Variants in ZIM2 observed in about 807,000 individuals in gnomAD.
ZIM2 encodes the protein zinc finger imprinted 2.
ZIM2 carries 14 observed loss-of-function variants against 38.6 expected under a neutral mutation model. That is an observed-to-expected ratio of 0.36 (90% CI 0.24 to 0.57). ZIM2 has a LOEUF of 0.57. Ranked by LOEUF, ZIM2 falls within the 20% of genes least tolerant of loss-of-function variation. ZIM2 has a pLI of 0.81. For missense variants in ZIM2, 680 were observed against 695.1 expected (o/e 0.98, Z 0.24); for synonymous variants, 247 against 245.8 (o/e 1.00, Z -0.04).
At chr19:56,806,288 T>C (rs1380022656) in intron 9 of ZIM2, among the ~76,000 whole-genome samples, 1 of 152,222 alleles carries the variant, frequency 6.6e-6, no homozygotes, top group South Asian at 2.1e-4. Context: ...AAAGCCTGGA[T>C]AGGTAGTCAA....
intron 9 of ZIM2, among the ~76,000 whole-genome samples, chr19:56,793,621 A>C (rs946580849): frequency 2.6e-5 from 4 of 152,256 alleles, no homozygotes; most frequent in Non-Finnish European, 5.9e-5. Flanking sequence ...GCTAAACTTC[A>C]TTAGTTATCA....
At chr19:56,820,803 CCT>C (rs767159361) in intron 7 of ZIM2, among the ~76,000 whole-genome samples, 1 of 152,218 alleles carries the variant, frequency 6.6e-6, no homozygotes, top group Non-Finnish European at 1.5e-5. Context: ...GGGCAGGGCC[CCT>C]CTCTGTGTTG....
At chr19:56,795,169 C>T (rs1354426176) in intron 9 of ZIM2, among the ~76,000 whole-genome samples, 1 of 152,174 alleles carries the variant, frequency 6.6e-6, no homozygotes, top group Non-Finnish European at 1.5e-5. Flanking sequence ...ATTCTCAAGC[C>T]TCAGCCTCCG....
At chr19:56,798,338 T>C (rs1180247364) in intron 9 of ZIM2, 2 of 152,114 alleles carry the variant, frequency 1.3e-5, no homozygotes, top group African/African-American at 4.8e-5. Flanking sequence ...TGTGTGTGCA[T>C]GTGACAAAAA....
At chr19:56,828,174 C>T (rs1009874426) in intron 2 of ZIM2, among the ~76,000 whole-genome samples, 1 of 152,144 alleles carries the variant, frequency 6.6e-6, no homozygotes, top group African/African-American at 2.4e-5. Flanking sequence ...AGGCTCTCCC[C>T]GCATCGCCTC....
chr19:56,800,318 C>A (rs2047454047), intron 9 of ZIM2, among the ~76,000 whole-genome samples: 1 of 152,006 alleles, frequency 6.6e-6, no homozygotes, highest in African/African-American at 2.4e-5. Flanking sequence ...AATAAATACT[C>A]ATTAGATGTT....
chr19:56,814,765 C>T lies in ZIM2; in HGVS notation c.490+2981G>A, dbSNP rs752710501. The T allele has an allele frequency of 4.3e-6, 7 of 1,614,106 alleles. No homozygotes were observed. Among genetic ancestry groups the T allele is most frequent in the South Asian group, 1.1e-5 (1 of 91,080 alleles). ...GAAGCCTTGTCCACACAAAAGGCATCGAATGGCCGACCCAGCAAGAGCAGG... is the reference window on the plus strand; with the variant it reads ...GAAGCCTTGTCCACACAAAAGGCATTGAATGGCCGACCCAGCAAGAGCAGG... On this transcript the variant is annotated intron_variant, in intron 9 of 12. Transcript: ENST00000629319. The surrounding 1 kb of genome is among the most constrained non-coding windows in gnomAD (Gnocchi z 5.8).
intron 9 of ZIM2, chr19:56,811,408 T>C (rs1383630163): frequency 2.0e-5 from 18 of 885,050 alleles, no homozygotes; most frequent in Non-Finnish European, 2.4e-5. Context: ...TTTCTCCACT[T>C]AATGTTCTGT....
chr19:56,822,907 A>C, intron 5 of ZIM2, 71 bp from the exon 6 acceptor site: 1 of 1,552,606 alleles, frequency 6.4e-7, no homozygotes, highest in Non-Finnish European at 8.7e-7. Context: ...ATGTGCACAA[A>C]CACCCCTCTG....
At chr19:56,792,924 A>G (rs538357443) in intron 9 of ZIM2, 3 of 152,754 alleles carry the variant, frequency 2.0e-5, no homozygotes, top group African/African-American at 4.8e-5. Flanking sequence ...CAAAATTTCT[A>G]TTTAGCTCCT....
chr19:56,839,504 G>C (rs2062706096), intron 1 of ZIM2, among the ~76,000 whole-genome samples: 2 of 149,768 alleles, frequency 1.3e-5, no homozygotes, highest in Admixed American at 1.3e-4. Context: ...AACCAACCAG[G>C]GGAGCACCTG....
intron 2 of ZIM2, among the ~76,000 whole-genome samples, chr19:56,835,562 T>G (rs1043461514): frequency 2.6e-5 from 4 of 152,242 alleles, no homozygotes; most frequent in Non-Finnish European, 5.9e-5. Context: ...CAGCTGTTGC[T>G]AGCAGATGTT....
intron 9 of ZIM2, chr19:56,810,831 A>T (rs955883353): frequency 8.2e-5 from 80 of 970,046 alleles, no homozygotes; most frequent in Non-Finnish European, 9.4e-5. Context: ...GTAATTTTTT[A>T]AAATAATTTA....
At position 56,824,709 on chromosome 19, in the gene ZIM2, C is replaced by T. The variant is rs143644993; in HGVS notation, c.-150-282G>A. 1,885 of 1,515,756 alleles carry T rather than the reference C, an allele frequency of 1.2e-3. 21 individuals carry two copies. The African/African-American group carries it at 0.023, about 19-fold the overall frequency. The allele number at this position is 1,515,756 out of a possible 1,614,324, so 93.9% of individuals were successfully genotyped here. ...ACCAAACATGAGTCAACAGGAAAGACGCGGCAGCCTGTGACCGTCAGTACT... is the reference window on the plus strand; with the variant it reads ...ACCAAACATGAGTCAACAGGAAAGATGCGGCAGCCTGTGACCGTCAGTACT... On this transcript the variant is annotated intron_variant, in intron 3 of 12. Transcript: ENST00000629319.
At chr19:56,839,270 T>C (rs1196178959) in intron 1 of ZIM2, among the ~76,000 whole-genome samples, 2 of 149,954 alleles carry the variant, frequency 1.3e-5, no homozygotes, top group African/African-American at 4.9e-5. Context: ...CCATCAAACA[T>C]GGCATCTAGG....
Position 56,812,395 on chromosome 19 carries a change from T to G in ZIM2, c.490+5351A>C, listed in dbSNP as rs1268692304. The G allele has an allele frequency of 4.1e-6, 4 of 984,822 alleles. No individual in the cohort carries two copies. The African/African-American group carries it at 7.0e-5, about 17-fold the overall frequency. The allele number at this position is 984,822 out of a possible 1,614,324, so 61.0% of individuals were successfully genotyped here. On this transcript the variant is annotated intron_variant, in intron 9 of 12. Coordinates refer to ENST00000629319, the MANE Select transcript of ZIM2 (RefSeq NM_001387356.1). ...GCTGCTGGGGAACCTGAGTCCATGT[T>G]AAGCTTGGGTTGACTGTAAAGAATT...
chr19:56,789,857 G>C lies in ZIM2; in HGVS notation c.570+15C>G. ...CCCATATTTGATAACCATGTCAGAG[G>C]AAAGCCTGACTCACCTGGGACCCAG... On this transcript the variant is annotated intron_variant, in intron 10 of 12. Coordinates refer to ENST00000629319, the MANE Select transcript of ZIM2 (RefSeq NM_001387356.1). 1 of 1,539,820 alleles carries C rather than the reference G, an allele frequency of 6.5e-7. No homozygotes were observed. Among genetic ancestry groups the C allele is most frequent in the Non-Finnish European group, 8.8e-7 (1 of 1,130,572 alleles).
chr19:56,823,292 T>C (rs573850821), intron 5 of ZIM2, among the ~76,000 whole-genome samples: 27 of 152,346 alleles, frequency 1.8e-4, no homozygotes, highest in African/African-American at 6.5e-4. Context: ...TGAAGCATCT[T>C]TAATGAACCT....
chr19:56,781,228 T>TCCACCAGGTTAC (rs2046317188), intron 11 of ZIM2, among the ~76,000 whole-genome samples: 1 of 152,142 alleles, frequency 6.6e-6, no homozygotes, highest in African/African-American at 2.4e-5. Flanking sequence ...GGTCCCTGAC[T>TCCACCAGGTTAC]TGCCAGTGGA....
Sources: allele counts gnomAD v4.1 joint callset (sites outside exome capture counted in the v4.1 genomes callset), GRCh38; gene constraint gnomAD v4.1.1; non-coding constraint Gnocchi (gnomAD v3.1); transcripts MANE v1.5; gene names NCBI Gene and HGNC (gene_info 2026-07-23, HGNC 2026-07-21).